The following TRAPPC2L variants were observed in gnomAD, a reference collection of about 807,000 sequenced individuals.
The protein encoded by TRAPPC2L is trafficking protein particle complex subunit 2-like protein.
A neutral mutation model predicts 13.2 loss-of-function variants in TRAPPC2L; 17 were observed. That is an observed-to-expected ratio of 1.29 (90% CI 0.88 to 1.93). The LOEUF (loss-of-function observed/expected upper bound fraction) is 1.93. Among genes scored for constraint, TRAPPC2L ranks in the 30% most tolerant of loss-of-function variants. The pLI is 0.00. For missense variants in TRAPPC2L, 359 were observed against 252.1 expected (o/e 1.42, Z -2.87); for synonymous variants, 150 against 98.1 (o/e 1.53, Z -3.12).
rs373658337 is a variant in TRAPPC2L at position 88,858,270 on chromosome 16, C to T, written c.34-349C>T. Among the ~76,000 whole-genome samples the T allele has an allele frequency of 1.6e-3, 248 of 152,318 alleles. 1 individual carries two copies. The highest frequency in any genetic ancestry group is 3.2e-3 in the Non-Finnish European group (221 of 68,030). ...GGGTGCTGTATTTGGGTGAGCCATG[C>T]AGAGTTAGAGGTGGGCTGAGGCAGA... On this transcript the variant is annotated intron_variant, in intron 1 of 3. Transcript: ENST00000565504.
chr16:88,857,160 T>G (rs2143013991), exon 1 of TRAPPC2L: 1 of 1,582,842 alleles, frequency 6.3e-7, no homozygotes, highest in South Asian at 1.1e-5. Context: ...GATGGCGGTG[T>G]GCATCGCGGT....
At chr16:88,856,948 G>C, upstream of TRAPPC2L, 3 of 1,443,018 alleles carry the variant, frequency 2.1e-6, no homozygotes, top group Non-Finnish European at 2.7e-6. Flanking sequence ...CCTTCCGGCT[G>C]GGCTGCGGGG....
upstream of TRAPPC2L, chr16:88,856,586 C>CG: frequency 1.6e-6 from 1 of 610,994 alleles, no homozygotes. Context: ...GGGATACCCC[C>CG]CGTCCCCTCC....
chr16:88,857,083 G>A (rs2143013881), upstream of TRAPPC2L: 1 of 1,530,196 alleles, frequency 6.5e-7, no homozygotes, highest in South Asian at 1.2e-5. Flanking sequence ...CGGATGGGGC[G>A]GGGCTTTGGA....
At chr16:88,860,709 G>T in exon 4 of TRAPPC2L, 1 of 627,526 alleles carries the variant, frequency 1.6e-6, no homozygotes, top group Non-Finnish European at 2.8e-6. Flanking sequence ...TTGGGAGGCT[G>T]CACAGGGAAC....
intron 1 of TRAPPC2L, 104 bp downstream of exon 1, chr16:88,857,287 C>A: frequency 9.1e-7 from 1 of 1,094,386 alleles, no homozygotes; most frequent in Non-Finnish European, 1.3e-6. Flanking sequence ...GAAATGGGAC[C>A]TGGAGGAGGC....
chr16:88,857,803 C>T (rs1266984801), intron 1 of TRAPPC2L, among the ~76,000 whole-genome samples: 1 of 152,222 alleles, frequency 6.6e-6, no homozygotes, highest in African/African-American at 2.4e-5. Context: ...TTTACTGGCC[C>T]ACATACATTT....
intron 2 of TRAPPC2L, chr16:88,859,032 T>A: frequency 3.7e-6 from 2 of 546,428 alleles, no homozygotes; most frequent in Non-Finnish European, 6.5e-6. Context: ...GTCCGTTGTC[T>A]GGTTTGCAGA....
chr16:88,860,767 G>C, exon 4 of TRAPPC2L: 2 of 863,576 alleles, frequency 2.3e-6, no homozygotes, highest in South Asian at 3.0e-5. Flanking sequence ...TGGGACTCCT[G>C]TCCTGGCCTC....
At chr16:88,858,651 G>A (rs751697946) in exon 2 of TRAPPC2L, 18 of 1,613,214 alleles carry the variant, frequency 1.1e-5, no homozygotes, top group Non-Finnish European at 1.4e-5. Context: ...GCACCCCTAC[G>A]GAGAACGAGC....
At chr16:88,860,457 C>G in exon 4 of TRAPPC2L, 1 of 603,048 alleles carries the variant, frequency 1.7e-6, no homozygotes, top group Non-Finnish European at 2.9e-6. Context: ...TCCAGACTTG[C>G]TTTCAGTGAG....
chr16:88,856,906 C>A (rs1447652628), upstream of TRAPPC2L: 1 of 1,498,538 alleles, frequency 6.7e-7, no homozygotes, highest in South Asian at 1.2e-5. Flanking sequence ...GGAGCCCCGG[C>A]CAGCGAGCCG....
Position 88,858,797 on chromosome 16 carries a change from T to C in TRAPPC2L, c.206+6T>C, listed in dbSNP as rs751292567. On this transcript the variant is annotated splice_donor_region_variant and intron_variant, in intron 2 of 3. Transcript: ENST00000565504. ...CCCACGGAGGACTACAAGGTGTATC[T>C]TTCAGGGCAGGGTGTGTGTCAGGGA... 4.0e-5 allele frequency: 64 copies of C among 1,611,792 alleles called. No individual in the cohort carries two copies. Among genetic ancestry groups the C allele is most frequent in the Non-Finnish European group, 5.0e-5 (59 of 1,179,030 alleles).
At chr16:88,861,234 T>A (rs1215706854) in exon 4 of TRAPPC2L, 2 of 486,590 alleles carry the variant, frequency 4.1e-6, no homozygotes, top group Non-Finnish European at 7.5e-6. Flanking sequence ...TCCTCAGTTG[T>A]CCCAAAGGGG....
exon 4 of TRAPPC2L, chr16:88,860,770 C>G (rs967443051): frequency 9.0e-6 from 8 of 885,606 alleles, no homozygotes; most frequent in South Asian, 5.9e-5. Flanking sequence ...GACTCCTGTC[C>G]TGGCCTCTCA....
In TRAPPC2L at chr16:88,860,908, T is replaced by A; in HGVS notation, c.*584T>A. On this transcript the variant is annotated 3_prime_UTR_variant, in exon 4 of 4. Transcript: ENST00000565504. ...CTCCTCTGAGTGGGTCTGTTTCTCT[T>A]AGCAGGGCCTTTGATAACATGGTGA... 1 of 1,591,318 alleles carries A rather than the reference T, an allele frequency of 6.3e-7. No individual in the cohort carries two copies. Among genetic ancestry groups the A allele is most frequent in the Non-Finnish European group, 8.5e-7 (1 of 1,170,714 alleles).
chr16:88,861,734 G>A (rs762369166), exon 4 of TRAPPC2L: 4 of 459,036 alleles, frequency 8.7e-6, no homozygotes, highest in Non-Finnish European at 1.8e-5. Context: ...GCCCGCTGAG[G>A]GGACCCCCCC....
chr16:88,861,267 CAAG>C (rs72462898), exon 4 of TRAPPC2L: 9,567 of 431,652 alleles, frequency 0.022, 167 homozygotes, highest in Middle Eastern at 0.053. Flanking sequence ...TGCCTGGAGC[CAAG>C]AGTTCCTGAG....
chr16:88,857,014 G>T, upstream of TRAPPC2L: 1 of 1,390,252 alleles, frequency 7.2e-7, no homozygotes, highest in Non-Finnish European at 9.2e-7. Flanking sequence ...GCGGAGGGAC[G>T]GGAGGCGGGG....
Sources: allele counts gnomAD v4.1 joint callset (sites outside exome capture counted in the v4.1 genomes callset), GRCh38; gene constraint gnomAD v4.1.1; transcripts MANE v1.5; gene names NCBI Gene and HGNC (gene_info 2026-07-23, HGNC 2026-07-21).